The following VAPB variants were observed in gnomAD, a reference collection of about 807,000 sequenced individuals.
VAPB encodes vesicle-associated membrane protein-associated protein B/C.
Under a neutral mutation model 25.6 loss-of-function variants are expected in VAPB, and 7 were observed. That is an observed-to-expected ratio of 0.27 (90% CI 0.16 to 0.51). The LOEUF is 0.51. VAPB is among the 20% of genes least tolerant of loss of function. The pLI is 0.97. For missense variants in VAPB, 266 were observed against 301.3 expected, an observed-to-expected ratio of 0.88 and a Z score of 0.87; for synonymous variants, 112 against 109.2, an observed-to-expected ratio of 1.03 and a Z score of -0.16.
intron 1 of VAPB, among the ~76,000 whole-genome samples, chr20:58,402,774 G>T (rs1473554283): frequency 6.6e-6 from 1 of 152,138 alleles, no homozygotes; most frequent in Non-Finnish European, 1.5e-5. Context: ...GGACTCCGAG[G>T]CAAGCGAATC....
chr20:58,432,709 AG>A (rs1988954461), intron 2 of VAPB, among the ~76,000 whole-genome samples: 1 of 152,170 alleles, frequency 6.6e-6, no homozygotes, highest in Non-Finnish European at 1.5e-5. Flanking sequence ...TTGCAATCTT[AG>A]GGGCAGGAAA....
At chr20:58,399,456 C>T (rs937945913) in intron 1 of VAPB, among the ~76,000 whole-genome samples, 1 of 152,050 alleles carries the variant, frequency 6.6e-6, no homozygotes, top group Non-Finnish European at 1.5e-5. Flanking sequence ...TGGTGGCTCA[C>T]GCCTGTAATT....
chr20:58,389,474 G>A lies in VAPB; in HGVS notation c.15G>A (p.Glu5=). 2.5e-6 allele frequency: 4 copies of A among 1,597,266 alleles called. No homozygotes were observed. The highest frequency in any genetic ancestry group is 3.4e-6 in the Non-Finnish European group (4 of 1,172,756). Residue 5 remains glutamate, a synonymous_variant, in exon 1 of 6, where the codon GAG becomes GAA. Coordinates refer to ENST00000475243, the MANE Select transcript of VAPB (RefSeq NM_004738.5). MAKV[E]QVLSLEPQHE... is the part of the protein sequence containing the mutation. ...CGCTAAGGAACATGGCGAAGGTGGA[G>A]CAGGTCCTGAGCCTCGAGCCGCAGC...
At chr20:58,421,096 G>A (rs538141384) in intron 2 of VAPB, among the ~76,000 whole-genome samples, 6 of 152,302 alleles carry the variant, frequency 3.9e-5, no homozygotes, top group South Asian at 2.1e-4. Flanking sequence ...AAGATTAGTG[G>A]ATTTGAGGTC....
chr20:58,419,345 C>G (rs6026255), intron 2 of VAPB, among the ~76,000 whole-genome samples: 96,543 of 151,792 alleles, frequency 0.64, 30,942 homozygotes, highest in African/African-American at 0.69. Context: ...CCCTGCATCT[C>G]GTCTCTCTCA....
rs1273921514 is a variant in VAPB at position 58,450,528 on chromosome 20, ACTG to A, written c.*6298_*6300del. On this transcript the variant is annotated 3_prime_UTR_variant, in exon 6 of 6. Coordinates refer to ENST00000475243, the MANE Select transcript of VAPB (RefSeq NM_004738.5). Reference sequence around the variant, plus strand: ...TTTCCTTTTTAAAGACGATTTATCAACTGCTGCCATTTGGAACTTCCTATAAGA... The same window carrying A: ...TTTCCTTTTTAAAGACGATTTATCAACTGCCATTTGGAACTTCCTATAAGA... 4 of 453,726 alleles carry A rather than the reference ACTG, an allele frequency of 8.8e-6. No individual in the cohort carries two copies. Among genetic ancestry groups the A allele is most frequent in the Non-Finnish European group, 1.8e-5 (4 of 226,774 alleles). The allele number at this position is 453,726 out of a possible 1,614,324, so 28.1% of individuals were successfully genotyped here. A position where few individuals can be genotyped will look rare whatever the true frequency, so the allele number is the denominator to read the frequency against.
chr20:58,418,146 C>G, intron 1 of VAPB, 65 bp from the exon 2 acceptor site: 2 of 1,606,844 alleles, frequency 1.2e-6, no homozygotes, highest in Admixed American at 1.7e-5. Context: ...TTACAGCTCT[C>G]TTTTCCACAA....
chr20:58,392,436 G>A (rs1235176594), intron 1 of VAPB, among the ~76,000 whole-genome samples: 1 of 152,186 alleles, frequency 6.6e-6, no homozygotes, highest in African/African-American at 2.4e-5. Context: ...ATTGTTGAAG[G>A]CCTCTGGCTC....
intron 1 of VAPB, among the ~76,000 whole-genome samples, chr20:58,412,281 G>A (rs1988398194): frequency 6.6e-6 from 1 of 152,074 alleles, no homozygotes. Context: ...GAATTGCTAA[G>A]TTAAAAGTAA....
intron 5 of VAPB, among the ~76,000 whole-genome samples, chr20:58,441,758 T>C (rs1416539187): frequency 6.6e-6 from 1 of 152,184 alleles, no homozygotes; most frequent in Admixed American, 6.5e-5. Context: ...ACCACTTGGG[T>C]GAGAATCTTT....
Position 58,450,432 on chromosome 20 carries a change from T to G in VAPB, c.*6197T>G. On this transcript the variant is annotated 3_prime_UTR_variant, in exon 6 of 6. Transcript: ENST00000475243. Reference sequence around the variant, plus strand: ...ATTTTTCATTCGTGTGTAGCCTAAGTAAGGTGACTCAAGATGATACACCGA... The same window carrying G: ...ATTTTTCATTCGTGTGTAGCCTAAGGAAGGTGACTCAAGATGATACACCGA... 4.4e-6 allele frequency: 2 copies of G among 454,082 alleles called. No individual in the cohort carries two copies. The highest frequency in any genetic ancestry group is 1.6e-5 in the South Asian group (1 of 64,472). 28.1% of individuals were successfully genotyped at this position (454,082 alleles called of 1,614,324 possible). A position where few individuals can be genotyped will look rare whatever the true frequency, so the allele number is the denominator to read the frequency against.
chr20:58,442,523 C>G (rs1416193293), intron 5 of VAPB, among the ~76,000 whole-genome samples: 1 of 151,912 alleles, frequency 6.6e-6, no homozygotes, highest in Non-Finnish European at 1.5e-5. Flanking sequence ...GGGCCATGCC[C>G]CATGAGCAGA....
intron 1 of VAPB, among the ~76,000 whole-genome samples, chr20:58,417,019 ATTTG>A (rs1368465917): frequency 6.6e-6 from 1 of 152,110 alleles, no homozygotes; most frequent in Admixed American, 6.5e-5. Context: ...AACATTACGT[ATTTG>A]TTTGTGAACA....
chr20:58,393,277 C>T (rs913639578), intron 1 of VAPB, among the ~76,000 whole-genome samples: 2 of 152,156 alleles, frequency 1.3e-5, no homozygotes, highest in Non-Finnish European at 2.9e-5. Flanking sequence ...GCAGTCCTCC[C>T]GCCTCAGCCT....
At chr20:58,398,465 C>A (rs956179834) in intron 1 of VAPB, among the ~76,000 whole-genome samples, 6 of 152,208 alleles carry the variant, frequency 3.9e-5, no homozygotes, top group Non-Finnish European at 2.9e-5. Context: ...TTACCACATA[C>A]TGAAAGCTTC....
In VAPB at chr20:58,446,411, G is replaced by C; in HGVS notation, c.*2176G>C. ...CAACAGTGCCTAGGGGTACAGTACA[G>C]TCCCATTACACTAGAGCAGGGCTCT... is the stretch of plus-strand genomic sequence containing the variant. On this transcript the variant is annotated 3_prime_UTR_variant, in exon 6 of 6. Coordinates refer to ENST00000475243, the MANE Select transcript of VAPB (RefSeq NM_004738.5). 2.2e-6 allele frequency: 1 copy of C among 454,088 alleles called. No homozygotes were observed. The highest frequency in any genetic ancestry group is 2.0e-5 in the African/African-American group (1 of 50,110). The allele number at this position is 454,088 out of a possible 1,614,324, so 28.1% of individuals were successfully genotyped here.
intron 1 of VAPB, 57 bp downstream of exon 1, chr20:58,389,574 G>A (rs1365980289): frequency 2.0e-6 from 3 of 1,505,640 alleles, no homozygotes; most frequent in East Asian, 2.7e-5. Context: ...GTGCTGGAAG[G>A]ACGGAGCCCG....
intron 1 of VAPB, among the ~76,000 whole-genome samples, chr20:58,414,438 G>A (rs902492078): frequency 2.6e-5 from 4 of 151,334 alleles, no homozygotes; most frequent in East Asian, 2.0e-4. Flanking sequence ...CGGGGCAGCC[G>A]CCGGGCGGAG....
chr20:58,400,865 T>C (rs907630412), intron 1 of VAPB, among the ~76,000 whole-genome samples: 2 of 152,250 alleles, frequency 1.3e-5, no homozygotes, highest in East Asian at 3.8e-4. Flanking sequence ...CATGTAAATA[T>C]ATCCTGATGG....
Sources: gnomAD v4.1 joint callset for allele counts (sites outside exome capture counted in the v4.1 genomes callset) on GRCh38, gnomAD v4.1.1 for gene constraint, MANE v1.5 for transcripts, NCBI Gene and HGNC (gene_info 2026-07-23, HGNC 2026-07-21) for gene names.